MAP3K4: variants seen among roughly 807,000 people sequenced by gnomAD.
MAP3K4 encodes mitogen-activated protein kinase kinase kinase 4.
A neutral mutation model predicts 185.6 loss-of-function variants in MAP3K4; 67 were observed. The ratio of observed to expected loss-of-function variants is 0.36; its 90% confidence interval spans 0.30 to 0.44. The LOEUF (loss-of-function observed/expected upper bound fraction) is 0.44, where lower values mean the gene tolerates loss of function less well. MAP3K4 is among the 20% of genes least tolerant of loss of function. The pLI is 1.00. For synonymous variants in MAP3K4, 702 were observed against 710.4 expected, an observed-to-expected ratio of 0.99 and a Z score of 0.19; for missense variants, 1,551 against 1,995.1, an observed-to-expected ratio of 0.78 and a Z score of 4.24.
chr6:161,107,289 C>G lies in MAP3K4; in HGVS notation c.4048+584C>G, dbSNP rs1270450388. ...CATCTAGGTCTGAAGGGGGCGAACA[C>G]AGTTGTATGAATAATATGGGACTTT... is the stretch of plus-strand genomic sequence containing the variant. On this transcript the variant is annotated intron_variant, in intron 20 of 26. Coordinates refer to ENST00000392142, the MANE Select transcript of MAP3K4 (RefSeq NM_005922.4). The surrounding 1 kb of genome is among the most constrained non-coding windows in gnomAD (Gnocchi z 6.2). Among the ~76,000 whole-genome samples the G allele has an allele frequency of 6.6e-6, 1 of 152,132 alleles. No individual in the cohort carries two copies. Among genetic ancestry groups the G allele is most frequent in the Non-Finnish European group, 1.5e-5 (1 of 68,030 alleles).
At chr6:161,035,796 A>C (rs1783138364) in intron 2 of MAP3K4, among the ~76,000 whole-genome samples, 1 of 152,218 alleles carries the variant, frequency 6.6e-6, no homozygotes, top group South Asian at 2.1e-4. Context: ...GCTTCGTGTT[A>C]GTAAAGTAAG....
chr6:160,997,969 G>A (rs1010645888), intron 1 of MAP3K4, among the ~76,000 whole-genome samples: 15 of 152,186 alleles, frequency 9.9e-5, no homozygotes. Flanking sequence ...AGAGAGTGAT[G>A]TTAATCCCCA....
intron 2 of MAP3K4, among the ~76,000 whole-genome samples, chr6:161,041,205 T>C (rs1583154275): frequency 6.6e-6 from 1 of 152,138 alleles, no homozygotes; most frequent in African/African-American, 2.4e-5. Context: ...AAGGAACATA[T>C]AGCTCTAGGA....
rs1562553517 is a variant in MAP3K4, at chr6:161,117,181, C to A, written c.*311C>A. On this transcript the variant is annotated 3_prime_UTR_variant, in exon 27 of 27. Coordinates refer to ENST00000392142, the MANE Select transcript of MAP3K4 (RefSeq NM_005922.4). ...CGTGACATCAGCGTAGTGTTTTGAC[C>A]TTTCTAGGTTCAAAAGAAGTTGTAG... The A allele has an allele frequency of 9.3e-6, 3 of 321,796 alleles. No homozygotes were observed. Among genetic ancestry groups the A allele is most frequent in the East Asian group, 5.5e-5 (1 of 18,216 alleles). 19.9% of individuals were successfully genotyped at this position (321,796 alleles called of 1,614,324 possible).
chr6:161,064,510 G>C lies in MAP3K4; in HGVS notation c.1708-6098G>C, dbSNP rs1188869656. Among the ~76,000 whole-genome samples, 1 of 151,328 alleles carries C rather than the reference G, an allele frequency of 6.6e-6. No individual in the cohort carries two copies. The highest frequency in any genetic ancestry group is 1.5e-5 in the Non-Finnish European group (1 of 67,892). On this transcript the variant is annotated intron_variant, in intron 3 of 26. Transcript: ENST00000392142. This position sits in a 1 kb window ranked among gnomAD's most constrained non-coding sequence, Gnocchi z 4.3. ...TGGGTATGTTTCTGTGTTCTGATCTGTTTATTACTGTGCAGGCTTATTCTA... is the reference window on the plus strand; with the variant it reads ...TGGGTATGTTTCTGTGTTCTGATCTCTTTATTACTGTGCAGGCTTATTCTA...
At chr6:161,020,669 A>C (rs1231127179) in intron 1 of MAP3K4, among the ~76,000 whole-genome samples, 3 of 151,030 alleles carry the variant, frequency 2.0e-5, no homozygotes, top group Non-Finnish European at 4.4e-5. Context: ...AAAAAAAAAA[A>C]AAAAACAAGA....
At position 160,992,099 on chromosome 6, in the gene MAP3K4, G is replaced by C; in HGVS notation, c.152+16G>C. ...TGGCGGCGAGGTGAGTGTGGCGGCC[G>C]CAGTCGGTCGCTCGCAGAAAGCGGG... is the stretch of plus-strand genomic sequence containing the variant. On this transcript the variant is annotated intron_variant, in intron 1 of 26. Coordinates refer to ENST00000392142, the MANE Select transcript of MAP3K4 (RefSeq NM_005922.4). 1 of 1,536,716 alleles carries C rather than the reference G, an allele frequency of 6.5e-7. No individual in the cohort carries two copies. Among genetic ancestry groups the C allele is most frequent in the Non-Finnish European group, 8.7e-7 (1 of 1,150,190 alleles).
chr6:161,095,273 C>T (rs565929024), intron 15 of MAP3K4, among the ~76,000 whole-genome samples: 33 of 152,190 alleles, frequency 2.2e-4, no homozygotes, highest in Admixed American at 3.3e-4. Context: ...ATCATTGAGC[C>T]TCTCTTTTTA....
chr6:161,034,256 T>C lies in MAP3K4; in HGVS notation c.153-3T>C. 1.9e-6 allele frequency: 3 copies of C among 1,610,532 alleles called. No homozygotes were observed. The highest frequency in any genetic ancestry group is 2.5e-6 in the Non-Finnish European group (3 of 1,177,714). On this transcript the variant is annotated splice_polypyrimidine_tract_variant and splice_region_variant and intron_variant, in intron 1 of 26. Transcript: ENST00000392142. This position sits in a 1 kb window ranked among gnomAD's most constrained non-coding sequence, Gnocchi z 4.4. ...TATTTTCCCTGCACACTGTCTTTCA[T>C]AGGCAAGAGGGCACATTGGGAGATT... is the stretch of plus-strand genomic sequence containing the variant.
At chr6:161,050,665 G>A (rs754443297) in intron 3 of MAP3K4, among the ~76,000 whole-genome samples, 101 of 152,242 alleles carry the variant, frequency 6.6e-4, no homozygotes, top group Middle Eastern at 6.8e-3. Context: ...ATAGCTTGAC[G>A]TGTTATAAAT....
intron 13 of MAP3K4, 28 bp downstream of exon 13, chr6:161,092,171 A>T: frequency 6.2e-7 from 1 of 1,612,684 alleles, no homozygotes; most frequent in Non-Finnish European, 8.5e-7. Flanking sequence ...TGTTTCTGAA[A>T]TGTGTCATGT....
chr6:161,026,359 T>C (rs562866502), intron 1 of MAP3K4, among the ~76,000 whole-genome samples: 11 of 152,028 alleles, frequency 7.2e-5, no homozygotes, highest in African/African-American at 2.2e-4. Flanking sequence ...ATGGTCTTGA[T>C]CTTCTGACCT....
chr6:160,992,412 G>A (rs969622314), intron 1 of MAP3K4: 6 of 403,508 alleles, frequency 1.5e-5, no homozygotes, highest in African/African-American at 2.1e-5. Context: ...GCTAGCTTCG[G>A]AAGAGTGGCC....
At chr6:161,058,498 T>G (rs1283931455) in intron 3 of MAP3K4, among the ~76,000 whole-genome samples, 1 of 152,226 alleles carries the variant, frequency 6.6e-6, no homozygotes, top group Non-Finnish European at 1.5e-5. Flanking sequence ...AAAGGCTATT[T>G]GTATCTAACA....
In MAP3K4 at chr6:161,097,594, ATGTAAT is replaced by A. The variant is rs956138129; in HGVS notation, c.3524+420_3524+425del. On this transcript the variant is annotated intron_variant, in intron 16 of 26. Transcript: ENST00000392142. The surrounding 1 kb of genome is among the most constrained non-coding windows in gnomAD (Gnocchi z 4.9). The stretch of plus-strand genomic sequence containing the variant: ...TTCCAGATTCAATTTTTATCTGCAT[ATGTAAT>A]TACAAAGCAACTTAAACACTAAGTG... Among the ~76,000 whole-genome samples, 3 of 152,234 alleles carry A rather than the reference ATGTAAT, an allele frequency of 2.0e-5. No individual in the cohort carries two copies. Among genetic ancestry groups the A allele is most frequent in the African/African-American group, 7.2e-5 (3 of 41,472 alleles).
chr6:161,065,874 C>G (rs1355396806), intron 3 of MAP3K4, among the ~76,000 whole-genome samples: 2 of 131,650 alleles, frequency 1.5e-5, no homozygotes, highest in South Asian at 4.9e-4. Context: ...GGAGGCGGAG[C>G]TTGCAGTGAG....
At position 161,004,660 on chromosome 6, in the gene MAP3K4, C is replaced by T. The variant is rs772922446; in HGVS notation, c.152+12577C>T. On this transcript the variant is annotated intron_variant, in intron 1 of 26. Coordinates refer to ENST00000392142, the MANE Select transcript of MAP3K4 (RefSeq NM_005922.4). The stretch of plus-strand genomic sequence containing the variant: ...TTGAAAACTTCAATTAAGATAGGAT[C>T]GTGGGTTACCAAGAAATAATAGATG... Among the ~76,000 whole-genome samples, 19 of 152,166 alleles carry T rather than the reference C, an allele frequency of 1.2e-4. No individual in the cohort carries two copies. In the East Asian group the frequency reaches 3.3e-3, roughly 26 times the overall value.
At chr6:161,028,034 T>G (rs1782753040) in intron 1 of MAP3K4, among the ~76,000 whole-genome samples, 2 of 152,186 alleles carry the variant, frequency 1.3e-5, no homozygotes, top group South Asian at 2.1e-4. Context: ...ACAGGTGGCC[T>G]TCTTAAGGTT....
chr6:161,065,664 C>T (rs1420537717), intron 3 of MAP3K4, among the ~76,000 whole-genome samples: 1 of 152,158 alleles, frequency 6.6e-6, no homozygotes, highest in Non-Finnish European at 1.5e-5. Flanking sequence ...GTGGGCTGGG[C>T]ACGGTGGCTT....
Sources: allele counts gnomAD v4.1 joint callset (sites outside exome capture counted in the v4.1 genomes callset), GRCh38; gene constraint gnomAD v4.1.1; non-coding constraint Gnocchi (gnomAD v3.1); transcripts MANE v1.5; gene names NCBI Gene and HGNC (gene_info 2026-07-23, HGNC 2026-07-21).